Variants in GBP4 observed in about 807,000 individuals in gnomAD.
GBP4 encodes guanylate binding protein 4.
GBP4 carries 69 observed loss-of-function variants against 62.2 expected under a neutral mutation model. That is an observed-to-expected ratio of 1.11 (90% confidence interval 0.91 to 1.36). The LOEUF (loss-of-function observed/expected upper bound fraction) is 1.36. Ranked by LOEUF, GBP4 falls within the 40% of genes most tolerant of loss-of-function variation. The pLI, the probability that GBP4 is intolerant of heterozygous loss-of-function variation, is 0.00. For missense variants in GBP4, 697 were observed against 759.3 expected, an observed-to-expected ratio of 0.92 and a Z score of 0.96; for synonymous variants, 278 against 274.6, an observed-to-expected ratio of 1.01 and a Z score of -0.12.
Position 89,191,388 on chromosome 1 carries a change from A to G in GBP4, c.789T>C (p.His263=). The change falls in exon 6 of 11, where the codon CAT becomes CAC. Residue 263 remains histidine, a synonymous_variant. Transcript: ENST00000355754. ...GATTTTCTTCTGGCACTTCGTCCAT[A>G]TGATTTAAATATTGCTTGTCATTTG... ...RPTNDKQYLN[H]MDEVPEENLE... 6.2e-7 allele frequency: 1 copy of G among 1,614,208 alleles called. No individual in the cohort carries two copies. Among genetic ancestry groups the G allele is most frequent in the East Asian group, 2.2e-5 (1 of 44,878 alleles).
chr1:89,197,356 C>G, intron 1 of GBP4, 52 bp from the exon 2 acceptor site: 1 of 1,516,444 alleles, frequency 6.6e-7, no homozygotes. Context: ...GAAGTCATCC[C>G]TAAGGGCTAC....
At position 89,195,314 on chromosome 1, in the gene GBP4, G is replaced by A. The variant is rs1362294727; in HGVS notation, c.346C>T (p.Leu116=). 1.9e-6 allele frequency: 3 copies of A among 1,613,950 alleles called. No homozygotes were observed. In the South Asian group the frequency reaches 3.3e-5, roughly 18 times the overall value. The part of the protein sequence containing the change: ...HTLVLLDTEG[L]GDVEKSNPKN... Reference sequence around the variant, plus strand: ...TGCCTTACCTTTTCTACATCGCCCAGGCCCTCGGTGTCCAGAAGGACCAGG... The same window carrying A: ...TGCCTTACCTTTTCTACATCGCCCAAGCCCTCGGTGTCCAGAAGGACCAGG... The change falls in exon 3 of 11, where the codon CTG becomes TTG. Residue 116 remains leucine, a synonymous_variant. Transcript: ENST00000355754.
At chr1:89,188,939 C>T (rs1570373743) in intron 7 of GBP4, 145 bp from the exon 8 acceptor site, 1 of 866,486 alleles carries the variant, frequency 1.2e-6, no homozygotes, top group Non-Finnish European at 1.8e-6. Context: ...TGATTTTGTT[C>T]CCAACTATGT....
rs1570378795 is a variant in GBP4, at chr1:89,197,016, C to G, written c.235+94G>C. 4.1e-6 allele frequency: 4 copies of G among 985,938 alleles called. No homozygotes were observed. In the East Asian group the frequency reaches 1.0e-4, roughly 25 times the overall value. The allele number at this position is 985,938 out of a possible 1,614,324, so 61.1% of individuals were successfully genotyped here. On this transcript the variant is annotated intron_variant, in intron 2 of 10. Transcript: ENST00000355754. ...AGAAGTTTTCTTCATTGGGAGAAGT[C>G]ATGCCCTTCTTTAGGATGACCCTAG...
rs767357169 is a variant in GBP4, at chr1:89,184,254, ATTAGT to A, written c.*995_*999del. On this transcript the variant is annotated 3_prime_UTR_variant, in exon 11 of 11. Transcript: ENST00000355754. ...ACATACACTGTTGGTGGGAGTGTAA[ATTAGT>A]TTAGCCACTGTGGAAAGCAGGTTGG... The A allele has an allele frequency of 3.3e-5, 5 of 152,190 alleles. No individual in the cohort carries two copies. The highest frequency in any genetic ancestry group is 6.5e-5 in the Admixed American group (1 of 15,274). The allele number at this position is 152,190 out of a possible 1,614,324, so 9.4% of individuals were successfully genotyped here. A position where few individuals can be genotyped will look rare whatever the true frequency, so the allele number is the denominator to read the frequency against.
chr1:89,187,446 A>G (rs770794482), intron 8 of GBP4, among the ~76,000 whole-genome samples: 1 of 152,210 alleles, frequency 6.6e-6, no homozygotes, highest in Non-Finnish European at 1.5e-5. Context: ...TTTGACATCA[A>G]AAGCACAGGC....
chr1:89,185,349 T>G lies in GBP4; in HGVS notation c.1828A>C (p.Ile610Leu). The change falls in exon 11 of 11, where the codon ATC becomes CTC. Residue 610 changes from isoleucine (I) to leucine (L), a missense_variant. Ile to Leu is a conservative substitution (Grantham distance 5). Around this residue, in one of 2 missense-constraint regions of GBP4, gnomAD observed 141 missense variants for 196.6 expected, o/e 0.72. Transcript: ENST00000355754. ...ATTATGTTGCTAGCCATGTCAAGGATCTTTAAGAGCCTTAACTGTTCATTT... is the reference window on the plus strand; with the variant it reads ...ATTATGTTGCTAGCCATGTCAAGGAGCTTTAAGAGCCTTAACTGTTCATTT... ...TKNEQLRLLKILDMASNIMIV... is the reference protein window; with the variant it reads ...TKNEQLRLLKLLDMASNIMIV... 6.2e-7 allele frequency: 1 copy of G among 1,612,566 alleles called. No homozygotes were observed. Among genetic ancestry groups the G allele is most frequent in the Non-Finnish European group, 8.5e-7 (1 of 1,178,586 alleles).
intron 8 of GBP4, 137 bp from the exon 9 acceptor site, chr1:89,187,239 C>A: frequency 1.5e-6 from 1 of 679,236 alleles, no homozygotes; most frequent in Middle Eastern, 2.5e-4. Context: ...GGTTTCTTTT[C>A]TTCCACAGCC....
intron 3 of GBP4, 63 bp downstream of exon 3, chr1:89,195,234 A>T: frequency 6.4e-7 from 1 of 1,562,420 alleles, no homozygotes; most frequent in Non-Finnish European, 8.8e-7. Context: ...CAGAAGTTGA[A>T]GGGAGCTGAA....
Position 89,197,706 on chromosome 1 carries a change from T to C in GBP4, c.41-402A>G, listed in dbSNP as rs1304873321. Among the ~76,000 whole-genome samples the C allele has an allele frequency of 2.6e-5, 4 of 152,042 alleles. No homozygotes were observed. The East Asian group carries it at 5.8e-4, about 22-fold the overall frequency. ...GTTACAAAAAGGAGATGAGGAGTGG[T>C]TAGAAAAGGCTCCAGGCATTCCAGA... is the stretch of plus-strand genomic sequence containing the variant. On this transcript the variant is annotated intron_variant, in intron 1 of 10. Coordinates refer to ENST00000355754, the MANE Select transcript of GBP4 (RefSeq NM_052941.5).
At chr1:89,188,486 T>A in intron 8 of GBP4, 96 bp downstream of exon 8, 1 of 966,556 alleles carries the variant, frequency 1.0e-6, no homozygotes, top group South Asian at 1.4e-5. Flanking sequence ...CTGCTTCCTC[T>A]CCACAAATGG....
chr1:89,198,091 T>C (rs1308789539), intron 1 of GBP4, among the ~76,000 whole-genome samples: 7 of 152,074 alleles, frequency 4.6e-5, no homozygotes, highest in Non-Finnish European at 8.8e-5. Flanking sequence ...GATAAATGGT[T>C]ACAGGAAAGT....
chr1:89,197,063 T>C (rs1648361319), intron 2 of GBP4, 47 bp downstream of exon 2: 1 of 1,527,848 alleles, frequency 6.5e-7, no homozygotes, highest in East Asian at 2.3e-5. Flanking sequence ...TCAGCTGTGT[T>C]ATCACTGGTT....
chr1:89,194,509 A>G (rs1013522946), intron 3 of GBP4, among the ~76,000 whole-genome samples: 1 of 152,220 alleles, frequency 6.6e-6, no homozygotes, highest in Non-Finnish European at 1.5e-5. Flanking sequence ...CAGAATTGCT[A>G]AGTTGGTGCT....
intron 10 of GBP4, 141 bp downstream of exon 10, chr1:89,186,192 G>A: frequency 3.0e-6 from 2 of 671,980 alleles, no homozygotes; most frequent in Non-Finnish European, 5.2e-6. Flanking sequence ...GTAGAATTTA[G>A]ATGTATTTGA....
At chr1:89,188,892 T>C in intron 7 of GBP4, 98 bp from the exon 8 acceptor site, 1 of 1,190,410 alleles carries the variant, frequency 8.4e-7, no homozygotes, top group Non-Finnish European at 1.2e-6. Context: ...GGCCTCAGAG[T>C]GGACTGGGAT....
chr1:89,187,192 T>C, intron 8 of GBP4, 90 bp from the exon 9 acceptor site: 4 of 1,020,064 alleles, frequency 3.9e-6, no homozygotes, highest in Non-Finnish European at 6.1e-6. Context: ...GTCACAAATC[T>C]AACCCTGTAA....
rs531144463 is a variant in GBP4 at position 89,191,190 on chromosome 1, C to T, written c.916+71G>A. 1.4e-4 allele frequency: 218 copies of T among 1,536,976 alleles called. No individual in the cohort carries two copies. The African/African-American group carries it at 2.7e-3, about 19-fold the overall frequency. ...AGAAGCAAACAATATTATTGAAAAA[C>T]TTGCAGTCATTACAGCTTCAACACA... On this transcript the variant is annotated intron_variant, in intron 6 of 10. Transcript: ENST00000355754.
At chr1:89,196,903 C>T (rs562370644) in intron 2 of GBP4, among the ~76,000 whole-genome samples, 23 of 152,200 alleles carry the variant, frequency 1.5e-4, no homozygotes, top group African/African-American at 5.1e-4. Flanking sequence ...ACCCATGGAA[C>T]GGATCTTTCG....
Sources: allele counts gnomAD v4.1 joint callset (sites outside exome capture counted in the v4.1 genomes callset), GRCh38; gene constraint gnomAD v4.1.1; regional missense constraint gnomAD v4.1.1; transcripts MANE v1.5; gene names NCBI Gene and HGNC (gene_info 2026-07-23, HGNC 2026-07-21).